Variants in FGF18 observed in about 807,000 individuals in gnomAD.
The protein encoded by FGF18 is fibroblast growth factor 18.
FGF18 carries 5 observed loss-of-function variants against 23.0 expected under a neutral mutation model. That is an observed-to-expected ratio of 0.22 (90% confidence interval 0.11 to 0.46). FGF18 has a LOEUF of 0.46. Among genes scored for constraint, FGF18 ranks in the 20% least tolerant of loss-of-function variants. The probability of loss-of-function intolerance (pLI) is 0.99; values close to 1 mark genes in which losing one functional copy is unlikely to be tolerated. For synonymous variants in FGF18, 117 were observed against 118.9 expected (o/e 0.98, Z 0.10); for missense variants, 180 against 291.6 (o/e 0.62, Z 2.79).
At position 171,440,375 on chromosome 5, in the gene FGF18, C is replaced by T. The variant is rs1233184764; in HGVS notation, c.250+4102C>T. Among the ~76,000 whole-genome samples, 1 of 152,082 alleles carries T rather than the reference C, an allele frequency of 6.6e-6. No individual in the cohort carries two copies. Among genetic ancestry groups the T allele is most frequent in the Non-Finnish European group, 1.5e-5 (1 of 68,000 alleles). ...GGTTAGATGCAGGTAGAAGAGTCGT[C>T]CTCCCGTGATTCCCAGCAGCAAGGT... On this transcript the variant is annotated intron_variant, in intron 3 of 4. Coordinates refer to ENST00000274625, the MANE Select transcript of FGF18 (RefSeq NM_003862.3). The surrounding 1 kb of genome is among the most constrained non-coding windows in gnomAD (Gnocchi z 4.0).
At chr5:171,449,358 G>T in intron 4 of FGF18, 105 bp downstream of exon 4, 2 of 339,316 alleles carry the variant, frequency 5.9e-6, no homozygotes, top group Non-Finnish European at 5.7e-6. Flanking sequence ...TGGAAAACAG[G>T]CCGTGTGTGT....
chr5:171,430,164 C>T (rs1391472362), intron 2 of FGF18, among the ~76,000 whole-genome samples: 1 of 151,684 alleles, frequency 6.6e-6, no homozygotes, highest in Non-Finnish European at 1.5e-5. Flanking sequence ...CAAGACCAGC[C>T]TGGCCAAGAT....
chr5:171,442,694 GTCTCTGTGCTGTGTC>G (rs1299587032), intron 3 of FGF18, among the ~76,000 whole-genome samples: 2 of 152,190 alleles, frequency 1.3e-5, no homozygotes, highest in African/African-American at 4.8e-5. Flanking sequence ...ATTCAACTCT[GTCTCTGTGCTGTGTC>G]TCTCTCCAGG....
intron 2 of FGF18, among the ~76,000 whole-genome samples, chr5:171,432,708 G>A (rs1772199177): frequency 6.6e-6 from 1 of 152,218 alleles, no homozygotes; most frequent in South Asian, 2.1e-4. Context: ...GAGCCACTGC[G>A]ACCAGCCTAG....
chr5:171,434,478 G>T lies in FGF18; in HGVS notation c.70-1615G>T, dbSNP rs115398800. Among the ~76,000 whole-genome samples the T allele has an allele frequency of 6.6e-6, 1 of 152,200 alleles. No homozygotes were observed. The highest frequency in any genetic ancestry group is 1.5e-5 in the Non-Finnish European group (1 of 68,036). ...TGTTTGGGCAGCCAGGGTCCCAAGA[G>T]CTCTGCCATGGGCTGAGTGGGGGCG... On this transcript the variant is annotated intron_variant, in intron 2 of 4. Coordinates refer to ENST00000274625, the MANE Select transcript of FGF18 (RefSeq NM_003862.3). The surrounding 1 kb of genome is among the most constrained non-coding windows in gnomAD (Gnocchi z 4.6).
intron 2 of FGF18, among the ~76,000 whole-genome samples, chr5:171,432,426 T>C (rs577728815): frequency 1.4e-4 from 21 of 152,278 alleles, no homozygotes; most frequent in African/African-American, 5.1e-4. Context: ...TTTATTTATT[T>C]CAGACAGATT....
chr5:171,450,805 C>A (rs1252658549), intron 4 of FGF18, among the ~76,000 whole-genome samples: 1 of 151,980 alleles, frequency 6.6e-6, no homozygotes, highest in African/African-American at 2.4e-5. Flanking sequence ...CGGTCGTTTC[C>A]TGTGGCGGCG....
chr5:171,422,358 C>T (rs1033229804), intron 2 of FGF18, among the ~76,000 whole-genome samples: 10 of 152,150 alleles, frequency 6.6e-5, no homozygotes, highest in African/African-American at 2.4e-4. Flanking sequence ...CCCTTGTCCC[C>T]ACCGGCCTTT....
chr5:171,453,738 A>T (rs555427653), intron 4 of FGF18, among the ~76,000 whole-genome samples: 25 of 152,224 alleles, frequency 1.6e-4, no homozygotes, highest in South Asian at 2.1e-4. Flanking sequence ...ATGGTTAATG[A>T]CTGAGTAGGG....
chr5:171,430,860 A>G (rs1383097109), intron 2 of FGF18, among the ~76,000 whole-genome samples: 4 of 151,616 alleles, frequency 2.6e-5, no homozygotes, highest in Non-Finnish European at 5.9e-5. Flanking sequence ...TTTTTCTGAG[A>G]TAAATATTAT....
Position 171,434,629 on chromosome 5 carries a change from AG to A in FGF18, c.70-1462del, listed in dbSNP as rs1772221320. On this transcript the variant is annotated intron_variant, in intron 2 of 4. Transcript: ENST00000274625. This position sits in a 1 kb window ranked among gnomAD's most constrained non-coding sequence, Gnocchi z 4.6. ...CTCAGCCTTGTGGTTGACATGGGAT[AG>A]GACATGCATACAACCAGCAGGGTGT... Among the ~76,000 whole-genome samples the A allele has an allele frequency of 6.6e-6, 1 of 152,188 alleles. No individual in the cohort carries two copies. The highest frequency in any genetic ancestry group is 1.5e-5 in the Non-Finnish European group (1 of 68,034).
chr5:171,437,672 T>C (rs1239786495), intron 3 of FGF18, among the ~76,000 whole-genome samples: 1 of 152,200 alleles, frequency 6.6e-6, no homozygotes, highest in Non-Finnish European at 1.5e-5. Context: ...CCATCCCTCG[T>C]GGCCCCCTCC....
intron 3 of FGF18, among the ~76,000 whole-genome samples, chr5:171,438,497 G>A (rs1772287633): frequency 6.6e-6 from 1 of 152,118 alleles, no homozygotes; most frequent in African/African-American, 2.4e-5. Context: ...GGCCTGAGCT[G>A]CTGCATCTGA....
At chr5:171,422,883 A>C (rs1054572895) in intron 2 of FGF18, among the ~76,000 whole-genome samples, 1 of 152,050 alleles carries the variant, frequency 6.6e-6, no homozygotes, top group African/African-American at 2.4e-5. Context: ...GGATCCCCAG[A>C]GTCTTAGCTG....
At chr5:171,441,804 G>A (rs993031971) in intron 3 of FGF18, among the ~76,000 whole-genome samples, 3 of 152,144 alleles carry the variant, frequency 2.0e-5, no homozygotes, top group African/African-American at 4.8e-5. Context: ...TGTGTGTCAG[G>A]GTATGTGGCA....
intron 2 of FGF18, among the ~76,000 whole-genome samples, chr5:171,428,286 C>G (rs191989186): frequency 6.6e-6 from 1 of 152,218 alleles, no homozygotes; most frequent in East Asian, 1.9e-4. Context: ...CAGACTGAAT[C>G]CCCCCACCCA....
chr5:171,433,078 A>G (rs920778813), intron 2 of FGF18, among the ~76,000 whole-genome samples: 1 of 152,142 alleles, frequency 6.6e-6, no homozygotes, highest in Non-Finnish European at 1.5e-5. Context: ...TTTCCAGGAG[A>G]ACAGACCTTG....
At position 171,440,058 on chromosome 5, in the gene FGF18, G is replaced by A. The variant is rs758899626; in HGVS notation, c.250+3785G>A. ...GGAATCTAATGGGATTTGAATCTCGGCTCCACCACTTTCGAGTGGGAGACC... is the reference window on the plus strand; with the variant it reads ...GGAATCTAATGGGATTTGAATCTCGACTCCACCACTTTCGAGTGGGAGACC... On this transcript the variant is annotated intron_variant, in intron 3 of 4. Coordinates refer to ENST00000274625, the MANE Select transcript of FGF18 (RefSeq NM_003862.3). This position sits in a 1 kb window ranked among gnomAD's most constrained non-coding sequence, Gnocchi z 4.0. Among the ~76,000 whole-genome samples the A allele has an allele frequency of 6.6e-6, 1 of 152,180 alleles. No individual in the cohort carries two copies. The highest frequency in any genetic ancestry group is 1.5e-5 in the Non-Finnish European group (1 of 68,042).
intron 3 of FGF18, among the ~76,000 whole-genome samples, chr5:171,441,373 C>G (rs1027881439): frequency 6.6e-6 from 1 of 152,208 alleles, no homozygotes; most frequent in Admixed American, 6.5e-5. Context: ...GCTCCTGATC[C>G]TGCTGCAGCC....
Sources: allele counts gnomAD v4.1 joint callset (sites outside exome capture counted in the v4.1 genomes callset), GRCh38; gene constraint gnomAD v4.1.1; non-coding constraint Gnocchi (gnomAD v3.1); transcripts MANE v1.5; gene names NCBI Gene and HGNC (gene_info 2026-07-23, HGNC 2026-07-21).